RGS12: variants seen among roughly 807,000 people sequenced by gnomAD.
RGS12 encodes regulator of G-protein signaling 12.
Under a neutral mutation model 120.1 loss-of-function variants are expected in RGS12, and 66 were observed. That is an observed-to-expected ratio of 0.55 (90% confidence interval 0.45 to 0.67). The LOEUF is 0.67. Ranked by LOEUF, RGS12 falls within the 30% of genes least tolerant of loss-of-function variation. RGS12 has a pLI of 0.00. For synonymous variants in RGS12, 827 were observed against 804.7 expected, an observed-to-expected ratio of 1.03 and a Z score of -0.47; for missense variants, 1,859 against 1,957.7, an observed-to-expected ratio of 0.95 and a Z score of 0.95.
At chr4:3,343,534 C>A (rs965468340) in intron 3 of RGS12, among the ~76,000 whole-genome samples, 1 of 152,038 alleles carries the variant, frequency 6.6e-6, no homozygotes, top group Non-Finnish European at 1.5e-5. Flanking sequence ...GTTAAAAATG[C>A]GCCGTCGGGA....
At chr4:3,318,375 C>T (rs1033587535) in intron 2 of RGS12, among the ~76,000 whole-genome samples, 7 of 152,172 alleles carry the variant, frequency 4.6e-5, no homozygotes, top group Non-Finnish European at 8.8e-5. Context: ...TCCTCCCCTT[C>T]CTGCTCCTCC....
At chr4:3,356,418 AAT>A (rs1297847478) in intron 3 of RGS12, among the ~76,000 whole-genome samples, 3 of 152,120 alleles carry the variant, frequency 2.0e-5, no homozygotes, top group Non-Finnish European at 4.4e-5. Context: ...ACCATTTTTC[AAT>A]ATGCAGTTCA....
At position 3,422,506 on chromosome 4, in the gene RGS12, G is replaced by T. The variant is rs369600151; in HGVS notation, c.2969G>T (p.Gly990Val). ...AGFSIKDILS[G>V]LCERHGINGA... ...TTCTCCATCAAAGACATCCTGTCCG[G>T]ACTCTGTGAGCGGCATGGCATCAAC... The change falls in exon 11 of 18, where the codon GGA (glycine) becomes GTA (valine). Residue 990 changes from glycine (G) to valine (V), a missense_variant. Around this residue, in one of 3 missense-constraint regions of RGS12, gnomAD observed 375 missense variants for 475.0 expected, o/e 0.79. Transcript: ENST00000336727. 9 of 1,612,836 alleles carry T rather than the reference G, an allele frequency of 5.6e-6. No homozygotes were observed. In the East Asian group the frequency reaches 2.0e-4, roughly 36 times the overall value.
chr4:3,397,995 T>C (rs1292170302), intron 4 of RGS12, among the ~76,000 whole-genome samples: 1 of 152,230 alleles, frequency 6.6e-6, no homozygotes. Flanking sequence ...GTGGGTCTCA[T>C]TTCTCTCATC....
At chr4:3,370,027 A>T in intron 3 of RGS12, 1 of 1,256,534 alleles carries the variant, frequency 8.0e-7, no homozygotes, top group Non-Finnish European at 1.0e-6. Context: ...GAAATAGTTT[A>T]AAAATGATCT....
intron 3 of RGS12, among the ~76,000 whole-genome samples, chr4:3,362,687 G>T: frequency 6.8e-6 from 1 of 146,132 alleles, no homozygotes; most frequent in Non-Finnish European, 1.5e-5. Context: ...GGGTGAGGGT[G>T]TGTGTGAGGG....
intron 4 of RGS12, among the ~76,000 whole-genome samples, chr4:3,412,704 C>T (rs1461104019): frequency 6.6e-6 from 1 of 152,254 alleles, no homozygotes; most frequent in East Asian, 1.9e-4. Context: ...CATAAAGCTG[C>T]AGCAGAAAAC....
intron 17 of RGS12, 91 bp downstream of exon 17, chr4:3,431,046 A>G: frequency 1.3e-6 from 2 of 1,511,658 alleles, no homozygotes; most frequent in Non-Finnish European, 1.8e-6. Context: ...CCCGGCTGCC[A>G]CTGTTTGCTG....
At chr4:3,382,546 CCT>C (rs1718370485) in intron 3 of RGS12, among the ~76,000 whole-genome samples, 1 of 152,210 alleles carries the variant, frequency 6.6e-6, no homozygotes, top group Non-Finnish European at 1.5e-5. Flanking sequence ...TTGCATTAGT[CCT>C]GCTCACAGCA....
In RGS12 at chr4:3,317,000, T is replaced by C. The variant is rs752725900; in HGVS notation, c.830T>C (p.Met277Thr). Residue 277 changes from methionine (M) to threonine (T), a missense_variant, in exon 2 of 18, where the codon ATG (methionine) becomes ACG (threonine). Around this residue, in one of 3 missense-constraint regions of RGS12, gnomAD observed 967 missense variants for 994.2 expected, o/e 0.97. Coordinates refer to ENST00000336727, the MANE Select transcript of RGS12 (RefSeq NM_001394154.1). ...KIHSLVTMKI[M>T]HDCVQLSTDK... ...CACTCGCTGGTGACCATGAAGATCATGCACGACTGTGTGCAGCTGAGCACT... is the reference window on the plus strand; with the variant it reads ...CACTCGCTGGTGACCATGAAGATCACGCACGACTGTGTGCAGCTGAGCACT... 4 of 1,613,752 alleles carry C rather than the reference T, an allele frequency of 2.5e-6. No homozygotes were observed. The highest frequency in any genetic ancestry group is 2.5e-6 in the Non-Finnish European group (3 of 1,179,984).
At position 3,330,450 on chromosome 4, in the gene RGS12, T is replaced by C. The variant is rs571124369; in HGVS notation, c.1881+12399T>C. On this transcript the variant is annotated intron_variant, in intron 2 of 17. Transcript: ENST00000336727. ...GACTACAGGCTCCTCCTCCTTGCCT[T>C]CTTCCTTCACTCAGGGAGAGAAGAT... Among the ~76,000 whole-genome samples the C allele has an allele frequency of 1.7e-3, 253 of 152,322 alleles. 2 individuals are homozygous for C. The highest frequency in any genetic ancestry group is 5.7e-3 in the African/African-American group (238 of 41,580).
Position 3,366,986 on chromosome 4 carries a change from C to T in RGS12, c.1999-19430C>T, listed in dbSNP as rs997471221. On this transcript the variant is annotated intron_variant, in intron 3 of 17. Transcript: ENST00000336727. The surrounding 1 kb of genome is among the most constrained non-coding windows in gnomAD (Gnocchi z 4.0). ...TCCTCCCCGCCCAGAATGCCCTCTG[C>T]CCCGCCACCCCCATCATCCCTGCTG... Among the ~76,000 whole-genome samples the T allele has an allele frequency of 5.9e-5, 9 of 152,212 alleles. No homozygotes were observed. The highest frequency in any genetic ancestry group is 1.3e-4 in the Non-Finnish European group (9 of 68,008).
At chr4:3,327,684 C>T (rs1330692628) in intron 2 of RGS12, among the ~76,000 whole-genome samples, 2 of 152,202 alleles carry the variant, frequency 1.3e-5, no homozygotes, top group African/African-American at 4.8e-5. Flanking sequence ...CCCAATATCA[C>T]TAATCATGAG....
At chr4:3,306,389 GGTATCACT>G (rs1273955747) in intron 1 of RGS12, among the ~76,000 whole-genome samples, 4 of 152,240 alleles carry the variant, frequency 2.6e-5, no homozygotes, top group African/African-American at 9.6e-5. Context: ...GACGGATGCA[GGTATCACT>G]CCACCATGGG....
At chr4:3,299,653 C>T (rs1289410586) in intron 1 of RGS12, among the ~76,000 whole-genome samples, 1 of 152,182 alleles carries the variant, frequency 6.6e-6, no homozygotes, top group Non-Finnish European at 1.5e-5. Flanking sequence ...TTCAAGTGAT[C>T]AGGGAGCTAG....
rs1341453843 is a variant in RGS12 at position 3,374,276 on chromosome 4, G to A, written c.1999-12140G>A. Among the ~76,000 whole-genome samples the A allele has an allele frequency of 2.0e-5, 3 of 152,266 alleles. No homozygotes were observed. The highest frequency in any genetic ancestry group is 7.2e-5 in the African/African-American group (3 of 41,482). On this transcript the variant is annotated intron_variant, in intron 3 of 17. Transcript: ENST00000336727. This position sits in a 1 kb window ranked among gnomAD's most constrained non-coding sequence, Gnocchi z 6.3. ...GGCCAGCTTGCCTTGGGCTTCTGCA[G>A]CAGCGCCCTCCGGGTTCCCCTCCTC... is the stretch of plus-strand genomic sequence containing the variant.
At chr4:3,330,540 C>T (rs1424256819) in intron 2 of RGS12, among the ~76,000 whole-genome samples, 1 of 152,192 alleles carries the variant, frequency 6.6e-6, no homozygotes, top group African/African-American at 2.4e-5. Flanking sequence ...TTCGCAACAA[C>T]AGCACCTAGA....
intron 4 of RGS12, among the ~76,000 whole-genome samples, chr4:3,410,410 T>G (rs977161493): frequency 2.0e-5 from 3 of 152,238 alleles, no homozygotes; most frequent in Non-Finnish European, 4.4e-5. Flanking sequence ...TGCACTGGAA[T>G]GTACACAGAA....
chr4:3,420,455 T>C, intron 9 of RGS12, 187 bp from the exon 10 acceptor site: 1 of 656,276 alleles, frequency 1.5e-6, no homozygotes, highest in Non-Finnish European at 2.7e-6. Flanking sequence ...CCTGACTGGC[T>C]TCCAGGGTTA....
Sources: allele counts gnomAD v4.1 joint callset (sites outside exome capture counted in the v4.1 genomes callset), GRCh38; gene constraint gnomAD v4.1.1; regional missense constraint gnomAD v4.1.1; non-coding constraint Gnocchi (gnomAD v3.1); transcripts MANE v1.5; gene names NCBI Gene and HGNC (gene_info 2026-07-23, HGNC 2026-07-21).